The following CNTNAP2 variants were observed in gnomAD, a reference collection of about 807,000 sequenced individuals.
CNTNAP2 encodes contactin-associated protein-like 2.
Under a neutral mutation model 155.2 loss-of-function variants are expected in CNTNAP2, and 98 were observed. That is an observed-to-expected ratio of 0.63 (90% CI 0.54 to 0.75). The LOEUF is 0.75. Among genes scored for constraint, CNTNAP2 ranks in the 30% least tolerant of loss-of-function variants. The pLI is 0.00. For missense variants in CNTNAP2, 1,727 were observed against 1,688.1 expected (o/e 1.02, Z -0.40); for synonymous variants, 651 against 631.2 (o/e 1.03, Z -0.47).
At chr7:148,284,233 TGGGA>T (rs113083007) in intron 21 of CNTNAP2, among the ~76,000 whole-genome samples, 20,676 of 152,178 alleles carry the variant, frequency 0.14, 1,680 homozygotes, top group African/African-American at 0.23. Context: ...CCACTTGTTG[TGGGA>T]GGGACCCGAT....
intron 15 of CNTNAP2, among the ~76,000 whole-genome samples, chr7:148,048,822 G>A (rs1284485183): frequency 1.3e-5 from 2 of 152,168 alleles, no homozygotes; most frequent in South Asian, 2.1e-4. Flanking sequence ...GAGTCTCAGA[G>A]TAGGGCTGGT....
intron 13 of CNTNAP2, among the ~76,000 whole-genome samples, chr7:147,861,937 G>A (rs1414375860): frequency 1.4e-5 from 2 of 146,220 alleles, no homozygotes; most frequent in East Asian, 2.0e-4. Context: ...GGCAGAAGTT[G>A]CAGTGAGCCA....
At chr7:146,847,954 A>G (rs2129202344) in intron 3 of CNTNAP2, among the ~76,000 whole-genome samples, 1 of 152,310 alleles carries the variant, frequency 6.6e-6, no homozygotes, top group South Asian at 2.1e-4. Context: ...GGAAAGAAAT[A>G]ACCCATTTTT....
At chr7:146,502,664 T>C (rs1320137004) in intron 1 of CNTNAP2, among the ~76,000 whole-genome samples, 1 of 152,096 alleles carries the variant, frequency 6.6e-6, no homozygotes, top group East Asian at 1.9e-4. Flanking sequence ...CAGGCTGGAG[T>C]GCAATGGCGC....
At chr7:148,259,297 A>G (rs1796514303) in intron 20 of CNTNAP2, among the ~76,000 whole-genome samples, 1 of 147,950 alleles carries the variant, frequency 6.8e-6, no homozygotes, top group Non-Finnish European at 1.5e-5. Flanking sequence ...TGGAGTCTGC[A>G]GTGAGCTGTG....
intron 8 of CNTNAP2, among the ~76,000 whole-genome samples, chr7:147,272,275 C>A (rs941059833): frequency 6.6e-6 from 1 of 152,172 alleles, no homozygotes; most frequent in African/African-American, 2.4e-5. Context: ...TCTTCTGACA[C>A]CTTCCTTCCC....
chr7:147,609,509 T>C (rs6977034), intron 12 of CNTNAP2, among the ~76,000 whole-genome samples: 103,981 of 151,810 alleles, frequency 0.68, 36,047 homozygotes, highest in African/African-American at 0.78. Flanking sequence ...CCAGCCTGGG[T>C]GACAGAGCGA....
chr7:147,772,420 T>TAA (rs1321450851), intron 13 of CNTNAP2, among the ~76,000 whole-genome samples: 3 of 129,412 alleles, frequency 2.3e-5, no homozygotes, highest in African/African-American at 8.8e-5. Context: ...TATATATATA[T>TAA]AATATATATA....
chr7:146,322,613 G>A (rs2129092830), intron 1 of CNTNAP2, among the ~76,000 whole-genome samples: 1 of 123,352 alleles, frequency 8.1e-6, no homozygotes, highest in Non-Finnish European at 1.7e-5. Context: ...GTGAATAAGA[G>A]GAGACTGTTG....
rs537096614 is a variant in CNTNAP2, at chr7:146,229,998, G to A, written c.97+113025G>A. On this transcript the variant is annotated intron_variant, in intron 1 of 23. Coordinates refer to ENST00000361727, the MANE Select transcript of CNTNAP2 (RefSeq NM_014141.6). The stretch of plus-strand genomic sequence containing the variant: ...ATATATAAACAAGCATTGAGTAAAC[G>A]GCAAGAAGGATAAAAGGCATTTTTC... 1.4e-4 allele frequency among the ~76,000 whole-genome samples: 21 copies of A among 152,082 alleles called. 1 individual carries two copies. In the South Asian group the frequency reaches 3.5e-3, roughly 26 times the overall value.
intron 3 of CNTNAP2, among the ~76,000 whole-genome samples, chr7:147,027,004 G>GAAAAAAAAAAAAAACAAAAAAAAAAA (rs57810224): frequency 1.5e-5 from 1 of 67,446 alleles, no homozygotes. Flanking sequence ...AAACAGAACA[G>GAAAAAAAAAAAAAACAAAAAAAAAAA]AAAAAAAAAA....
At chr7:146,337,546 C>A (rs1366497286) in intron 1 of CNTNAP2, among the ~76,000 whole-genome samples, 1 of 152,208 alleles carries the variant, frequency 6.6e-6, no homozygotes, top group Non-Finnish European at 1.5e-5. Flanking sequence ...GCAACCTCCT[C>A]ATCCCAGGCT....
chr7:146,325,117 G>T (rs1042010237), intron 1 of CNTNAP2, among the ~76,000 whole-genome samples: 13 of 151,880 alleles, frequency 8.6e-5, no homozygotes, highest in Admixed American at 8.5e-4. Flanking sequence ...TTTCTTTAGA[G>T]AGGAAGCCTC....
intron 13 of CNTNAP2, among the ~76,000 whole-genome samples, chr7:147,826,526 C>T (rs1477724207): frequency 6.6e-6 from 1 of 152,120 alleles, no homozygotes; most frequent in Non-Finnish European, 1.5e-5. Context: ...AAGTAAAAAG[C>T]CATAGCACAT....
chr7:146,661,732 C>CTTT (rs34652048), intron 1 of CNTNAP2, among the ~76,000 whole-genome samples: 8,684 of 145,032 alleles, frequency 0.06, 643 homozygotes, highest in African/African-American at 0.17. Context: ...TTCTTTCTTT[C>CTTT]TTTTTTTTTT....
intron 3 of CNTNAP2, among the ~76,000 whole-genome samples, chr7:146,859,392 C>T (rs968142138): frequency 4.6e-5 from 7 of 152,172 alleles, no homozygotes; most frequent in Non-Finnish European, 1.0e-4. Context: ...TGCAGTGGCT[C>T]ACACCTGTAG....
At chr7:147,195,806 T>C (rs181186508) in intron 8 of CNTNAP2, among the ~76,000 whole-genome samples, 9 of 151,912 alleles carry the variant, frequency 5.9e-5, no homozygotes, top group African/African-American at 2.2e-4. Context: ...ATTTAAGGAG[T>C]TTTTGGTATG....
At chr7:147,795,262 G>T (rs1797875382) in intron 13 of CNTNAP2, among the ~76,000 whole-genome samples, 1 of 151,794 alleles carries the variant, frequency 6.6e-6, no homozygotes, top group African/African-American at 2.4e-5. Context: ...ACAGCAAATA[G>T]TTGAATCTTG....
intron 8 of CNTNAP2, among the ~76,000 whole-genome samples, chr7:147,248,338 A>G (rs2116652927): frequency 6.6e-6 from 1 of 152,134 alleles, no homozygotes; most frequent in Admixed American, 6.5e-5. Flanking sequence ...AAAGCATTTT[A>G]TTACCATGGG....
Sources: gnomAD v4.1 joint callset for allele counts (sites outside exome capture counted in the v4.1 genomes callset) on GRCh38, gnomAD v4.1.1 for gene constraint, MANE v1.5 for transcripts, NCBI Gene and HGNC (gene_info 2026-07-23, HGNC 2026-07-21) for gene names.